The following PRKCE variants were observed in gnomAD, a reference collection of about 807,000 sequenced individuals.
The protein encoded by PRKCE is protein kinase C epsilon, also known as protein kinase C epsilon type.
PRKCE carries 16 observed loss-of-function variants against 85.4 expected under a neutral mutation model. The observed-to-expected ratio is 0.19, with a 90% confidence interval of 0.13 to 0.28. The LOEUF is 0.28. PRKCE is among the 10% of genes least tolerant of loss of function. PRKCE has a pLI of 1.00. For synonymous variants in PRKCE, 388 were observed against 371.5 expected (o/e 1.04, Z -0.51); for missense variants, 573 against 975.2 (o/e 0.59, Z 5.49).
chr2:46,171,258 A>T (rs1237422426), intron 14 of PRKCE, among the ~76,000 whole-genome samples: 1 of 152,152 alleles, frequency 6.6e-6, no homozygotes, highest in Non-Finnish European at 1.5e-5. Context: ...GCCACACAGC[A>T]TTTTCTACAT....
intron 13 of PRKCE, among the ~76,000 whole-genome samples, chr2:46,154,930 G>A (rs989756586): frequency 3.3e-5 from 5 of 152,074 alleles, no homozygotes; most frequent in South Asian, 2.1e-4. Flanking sequence ...TCTCAGACGC[G>A]TCCCAAGGGC....
rs1680484211 is a variant in PRKCE at position 46,186,853 on chromosome 2, A to G, written c.*1972A>G. ...TGACATTCAGTTCTCTTTTGTTTTT[A>G]TTTTTTAAAAACTCAGGTGTAATTA... On this transcript the variant is annotated 3_prime_UTR_variant, in exon 15 of 15. Transcript: ENST00000306156. 1 of 152,494 alleles carries G rather than the reference A, an allele frequency of 6.6e-6. No homozygotes were observed. Among genetic ancestry groups the G allele is most frequent in the East Asian group, 1.9e-4 (1 of 5,204 alleles). The allele number at this position is 152,494 out of a possible 1,614,324, so 9.4% of individuals were successfully genotyped here.
intron 2 of PRKCE, among the ~76,000 whole-genome samples, chr2:45,884,726 C>T (rs1047250294): frequency 5.3e-5 from 8 of 151,770 alleles, no homozygotes; most frequent in Non-Finnish European, 1.0e-4. Context: ...AACATGTTTT[C>T]ATGGCTAGTT....
chr2:46,105,260 G>T (rs185662441), intron 11 of PRKCE, among the ~76,000 whole-genome samples: 1 of 151,774 alleles, frequency 6.6e-6, no homozygotes, highest in African/African-American at 2.4e-5. Context: ...CCTTCCTTTT[G>T]CTTTATCATA....
intron 14 of PRKCE, among the ~76,000 whole-genome samples, chr2:46,176,976 C>G (rs903070245): frequency 6.6e-6 from 1 of 152,142 alleles, no homozygotes; most frequent in Non-Finnish European, 1.5e-5. Flanking sequence ...CCTCAGAAAG[C>G]TAGGTATGTC....
chr2:45,980,448 T>C, intron 5 of PRKCE, 67 bp downstream of exon 5: 1 of 1,448,730 alleles, frequency 6.9e-7, no homozygotes, highest in Non-Finnish European at 9.6e-7. Flanking sequence ...CTGCCTCTTC[T>C]GTGGTTCCCA....
chr2:46,057,149 G>C (rs912715548), intron 10 of PRKCE, among the ~76,000 whole-genome samples: 1 of 152,334 alleles, frequency 6.6e-6, no homozygotes, highest in African/African-American at 2.4e-5. Context: ...AGCTGCTCAC[G>C]TGGTGGCTGA....
In PRKCE at chr2:46,100,968, A is replaced by G. The variant is rs372695807; in HGVS notation, c.1592+14606A>G. Among the ~76,000 whole-genome samples the G allele has an allele frequency of 1.1e-4, 16 of 152,094 alleles. 1 individual carries two copies. In the East Asian group the frequency reaches 2.1e-3, roughly 20 times the overall value. ...ACTGCAACCTCCGCCTCCCAGGTTC[A>G]AGCGATTCTCCCTCCTCAGCCTCCC... is the stretch of plus-strand genomic sequence containing the variant. On this transcript the variant is annotated intron_variant, in intron 11 of 14. Transcript: ENST00000306156.
chr2:45,706,963 CT>C (rs1019177462), intron 1 of PRKCE, among the ~76,000 whole-genome samples: 1 of 152,140 alleles, frequency 6.6e-6, no homozygotes, highest in Non-Finnish European at 1.5e-5. Flanking sequence ...ACTGGTTTTG[CT>C]TTTCACAGGT....
intron 1 of PRKCE, among the ~76,000 whole-genome samples, chr2:45,824,581 C>T (rs1461762117): frequency 3.3e-5 from 5 of 152,058 alleles, no homozygotes; most frequent in African/African-American, 9.7e-5. Flanking sequence ...TCCCTCCCTC[C>T]CTCCGTCCCT....
At chr2:45,692,628 C>T (rs1677822285) in intron 1 of PRKCE, among the ~76,000 whole-genome samples, 1 of 152,020 alleles carries the variant, frequency 6.6e-6, no homozygotes, top group South Asian at 2.1e-4. Flanking sequence ...GCTTCCAATT[C>T]AGTGAGGGAG....
intron 11 of PRKCE, among the ~76,000 whole-genome samples, chr2:46,093,260 G>A (rs948260664): frequency 6.6e-6 from 1 of 152,160 alleles, no homozygotes; most frequent in African/African-American, 2.4e-5. Flanking sequence ...CGTTTTATAG[G>A]TGCAGAACTT....
chr2:45,945,767 C>T (rs1364285207), intron 2 of PRKCE, among the ~76,000 whole-genome samples: 1 of 152,226 alleles, frequency 6.6e-6, no homozygotes, highest in Non-Finnish European at 1.5e-5. Context: ...CAGATTAGAA[C>T]ACAGGCATCT....
intron 4 of PRKCE, among the ~76,000 whole-genome samples, chr2:45,979,934 G>A (rs182219662): frequency 1.9e-3 from 283 of 152,212 alleles, no homozygotes; most frequent in Non-Finnish European, 3.1e-3. Context: ...AGTGGGGTGC[G>A]AGGCCACTAC....
chr2:45,658,776 A>G (rs67541505), intron 1 of PRKCE, among the ~76,000 whole-genome samples: 20,778 of 152,184 alleles, frequency 0.14, 1,577 homozygotes, highest in East Asian at 0.23. Flanking sequence ...AGTGAAATAT[A>G]TTTTTCTCCT....
chr2:45,927,224 G>T (rs1698701502), intron 2 of PRKCE, among the ~76,000 whole-genome samples: 1 of 152,190 alleles, frequency 6.6e-6, no homozygotes, highest in South Asian at 2.1e-4. Context: ...TGTTGTCAGA[G>T]AAGAGGGAGG....
intron 2 of PRKCE, among the ~76,000 whole-genome samples, chr2:45,893,810 TGCGGTGAGCTCC>T (rs1430230141): frequency 6.6e-6 from 1 of 152,178 alleles, no homozygotes; most frequent in Non-Finnish European, 1.5e-5. Context: ...TTCCCAACTA[TGCGGTGAGCTCC>T]TGAGGACCGG....
intron 11 of PRKCE, among the ~76,000 whole-genome samples, chr2:46,122,881 G>GTTTTTTTTTTTTTTTTTTTTTTTTT (rs1244942634): frequency 8.5e-6 from 1 of 117,188 alleles, no homozygotes; most frequent in Non-Finnish European, 1.7e-5. Context: ...AACAGTCTGG[G>GTTTTTTTTTTTTTTTTTTTTTTTTT]TTTTTTTTTT....
At chr2:45,967,929 A>G (rs1701841005) in intron 2 of PRKCE, among the ~76,000 whole-genome samples, 1 of 152,206 alleles carries the variant, frequency 6.6e-6, no homozygotes, top group Non-Finnish European at 1.5e-5. Context: ...AGGGGAGGTC[A>G]AAAGAGAGAG....
Sources: allele counts gnomAD v4.1 joint callset (sites outside exome capture counted in the v4.1 genomes callset), GRCh38; gene constraint gnomAD v4.1.1; transcripts MANE v1.5; gene names NCBI Gene and HGNC (gene_info 2026-07-23, HGNC 2026-07-21).